Variants in RRAGB observed in about 807,000 individuals in gnomAD.
The protein encoded by RRAGB is ras-related GTP-binding protein B.
RRAGB carries 6 observed loss-of-function variants against 29.3 expected under a neutral mutation model. The observed-to-expected ratio is 0.21, with a 90% CI of 0.11 to 0.40. RRAGB has a LOEUF of 0.40. Ranked by LOEUF, RRAGB falls within the 10% of genes least tolerant of loss-of-function variation. RRAGB has a pLI of 1.00. For missense variants in RRAGB, 184 were observed against 272.9 expected, an observed-to-expected ratio of 0.67 and a Z score of 2.29; for synonymous variants, 101 against 92.5, an observed-to-expected ratio of 1.09 and a Z score of -0.53.
At chrX:55,748,890 C>T (rs753972364) in intron 5 of RRAGB, among the ~76,000 whole-genome samples, 1,084 of 103,253 alleles carry the variant, frequency 0.01, 5 homozygotes, top group Non-Finnish European at 0.017. Context: ...CCCGGCCAGC[C>T]GCCCCATCCG....
chrX:55,736,532 G>A (rs1246345855), intron 5 of RRAGB, among the ~76,000 whole-genome samples: 5 of 111,610 alleles, frequency 4.5e-5, no homozygotes, highest in Non-Finnish European at 7.5e-5. Context: ...ATCTTTTTGG[G>A]GGTGTTGTAG....
intron 9 of RRAGB, among the ~76,000 whole-genome samples, chrX:55,757,795 T>A (rs1239204611): frequency 9.0e-6 from 1 of 111,673 alleles, no homozygotes. Flanking sequence ...CATTGCATAT[T>A]CCTATGTACC....
intron 9 of RRAGB, 123 bp downstream of exon 9, chrX:55,757,454 T>C (rs951460906): frequency 8.7e-6 from 3 of 343,812 alleles, no homozygotes; most frequent in African/African-American, 7.6e-5. Context: ...CATAACAATG[T>C]GAGGGCACTT....
chrX:55,731,166 G>A (rs752782729), intron 4 of RRAGB, among the ~76,000 whole-genome samples, 198 bp from the exon 5 acceptor site: 30 of 111,462 alleles, frequency 2.7e-4, no homozygotes, highest in South Asian at 7.6e-4. Context: ...TGATTGACAC[G>A]CTCTGCAAAC....
chrX:55,745,133 G>A (rs2034204817), intron 5 of RRAGB, among the ~76,000 whole-genome samples: 1 of 112,285 alleles, frequency 8.9e-6, no homozygotes, highest in African/African-American at 3.2e-5. Context: ...TATCTTACCA[G>A]TAAGTCTAAT....
At chrX:55,721,971 C>T (rs1428179291) in intron 2 of RRAGB, among the ~76,000 whole-genome samples, 8 of 112,631 alleles carry the variant, frequency 7.1e-5, no homozygotes, top group Non-Finnish European at 1.3e-4. Context: ...GATGTATGTC[C>T]TGTGACAGGT....
intron 3 of RRAGB, among the ~76,000 whole-genome samples, chrX:55,726,415 A>C: frequency 9.0e-6 from 1 of 111,215 alleles, no homozygotes; most frequent in East Asian, 2.8e-4. Context: ...AAGAAGAATA[A>C]AAATCTGCAT....
chrX:55,723,903 C>T lies in RRAGB; in HGVS notation c.226+1618C>T, dbSNP rs780430421. Among the ~76,000 whole-genome samples the T allele has an allele frequency of 3.6e-5, 4 of 112,173 alleles. No individual in the cohort carries two copies. The South Asian group carries it at 1.5e-3, about 42-fold the overall frequency. On this transcript the variant is annotated intron_variant, in intron 3 of 9. Coordinates refer to ENST00000374941, the MANE Select transcript of RRAGB (RefSeq NM_006064.5). The stretch of plus-strand genomic sequence containing the variant: ...TCTTCCTTAAGTTAAAAATGTCCAG[C>T]TCTTCCATCTATTTCTCATTTGACA...
At chrX:55,733,347 A>T (rs997047051) in intron 5 of RRAGB, among the ~76,000 whole-genome samples, 1 of 112,126 alleles carries the variant, frequency 8.9e-6, no homozygotes, top group African/African-American at 3.2e-5. Context: ...TGTTGAATAG[A>T]CGTGTTGAAA....
chrX:55,749,569 A>G (rs2034446122), intron 5 of RRAGB, among the ~76,000 whole-genome samples: 1 of 111,357 alleles, frequency 9.0e-6, no homozygotes, highest in Admixed American at 9.4e-5. Flanking sequence ...CCATGATGAC[A>G]ATGGCGGTTT....
At chrX:55,747,467 T>C (rs1469960499) in intron 5 of RRAGB, among the ~76,000 whole-genome samples, 2 of 111,869 alleles carry the variant, frequency 1.8e-5, no homozygotes, top group African/African-American at 6.5e-5. Context: ...ATAGAAACTT[T>C]GTGGTCGTTT....
intron 5 of RRAGB, among the ~76,000 whole-genome samples, chrX:55,741,920 A>G (rs1159553534): frequency 8.9e-6 from 1 of 111,927 alleles, no homozygotes; most frequent in Non-Finnish European, 1.9e-5. Context: ...TGGCACTCAT[A>G]CACATCTACT....
chrX:55,731,776 A>G, intron 5 of RRAGB, 190 bp downstream of exon 5: 1 of 391,713 alleles, frequency 2.6e-6, no homozygotes, highest in Non-Finnish European at 4.4e-6. Context: ...AAGATTTATT[A>G]GTAAATAATT....
chrX:55,718,240 G>A lies in RRAGB; in HGVS notation c.-88G>A. 1 of 692,232 alleles carries A rather than the reference G, an allele frequency of 1.4e-6. No individual in the cohort carries two copies. The highest frequency in any genetic ancestry group is 3.3e-5 in the South Asian group (1 of 30,011). The allele number at this position is 692,232 out of a possible 1,213,427, so 57.0% of individuals were successfully genotyped here. On this transcript the variant is annotated 5_prime_UTR_variant, in exon 1 of 10. Coordinates refer to ENST00000374941, the MANE Select transcript of RRAGB (RefSeq NM_006064.5). ...ATAGGCGATGAGAATAGGCAGTTGA[G>A]GGGTGAAAAAGAAAACAAACAAACA...
Position 55,744,387 on chromosome X carries a change from C to CAAAAAAAAAAAAAAAAAAAAAAAA in RRAGB, c.517-6697_517-6696insAAAAAAAAAAAAAAAAAAAAAAAA, listed in dbSNP as rs56294534. 3.4e-4 allele frequency among the ~76,000 whole-genome samples: 12 copies of CAAAAAAAAAAAAAAAAAAAAAAAA among 35,763 alleles called. 1 individual carries two copies. The highest frequency in any genetic ancestry group is 1.0e-3 in the African/African-American group (12 of 11,451). The allele number at this position is 35,763 out of a possible 115,157, so 31.1% of individuals were successfully genotyped here. ...CTCCAGCTTGGGTGACAGAGTGAGC[C>CAAAAAAAAAAAAAAAAAAAAAAAA]AAAAAAAAAAAAAAAAAGTAGTATA... On this transcript the variant is annotated intron_variant, in intron 5 of 9. Transcript: ENST00000374941.
At chrX:55,723,447 C>CTT (rs75512271) in intron 3 of RRAGB, among the ~76,000 whole-genome samples, 1 of 99,661 alleles carries the variant, frequency 1.0e-5, no homozygotes, top group Admixed American at 1.1e-4. Context: ...TGGCCTATTT[C>CTT]TTTTTTTTTT....
chrX:55,738,250 G>C (rs2033934628), intron 5 of RRAGB, among the ~76,000 whole-genome samples: 1 of 111,583 alleles, frequency 9.0e-6, no homozygotes, highest in Non-Finnish European at 1.9e-5. Flanking sequence ...TTCCCTCTGA[G>C]GAGAATTGGT....
Position 55,758,311 on chromosome X carries a change from G to A in RRAGB, c.1009G>A (p.Asp337Asn), listed in dbSNP as rs775130634. The stretch of plus-strand genomic sequence containing the variant: ...ACACTTTGAAAAGCTGGAAAGAGTG[G>A]ATGGACCAAAGCAGTGTCTTCTCAT... ...RKHFEKLERV[D>N]GPKQCLLMR The change falls in exon 10 of 10, where the codon GAT (aspartate) becomes AAT (asparagine). Residue 337 changes from aspartate (D) to asparagine (N), a missense_variant. Physicochemically the swap from Asp to Asn is conservative, Grantham distance 23. Coordinates refer to ENST00000374941, the MANE Select transcript of RRAGB (RefSeq NM_006064.5). 4 of 1,203,868 alleles carry A rather than the reference G, an allele frequency of 3.3e-6. No homozygotes were observed.
chrX:55,740,386 C>A (rs1219589872), intron 5 of RRAGB, among the ~76,000 whole-genome samples: 12 of 110,871 alleles, frequency 1.1e-4, no homozygotes, highest in African/African-American at 4.0e-4. Context: ...TAGGCTCAAA[C>A]ACATCTTTTG....
Sources: gnomAD v4.1 joint callset for allele counts (sites outside exome capture counted in the v4.1 genomes callset) on GRCh38, gnomAD v4.1.1 for gene constraint, MANE v1.5 for transcripts, NCBI Gene and HGNC (gene_info 2026-07-23, HGNC 2026-07-21) for gene names.